The following TRDN variants were observed in gnomAD, a reference collection of about 807,000 sequenced individuals.
TRDN encodes triadin in skeletal muscle.
A neutral mutation model predicts 149.7 loss-of-function variants in TRDN; 161 were observed. The observed-to-expected ratio is 1.08, with a 90% CI of 0.95 to 1.23. TRDN has a LOEUF of 1.23. Ranked by LOEUF, TRDN falls within the 50% of genes most tolerant of loss-of-function variation. The pLI, the probability that TRDN is intolerant of heterozygous loss-of-function variation, is 0.00. For missense variants in TRDN, 896 were observed against 823.5 expected (o/e 1.09, Z -1.08); for synonymous variants, 294 against 250.5 (o/e 1.17, Z -1.64).
intron 2 of TRDN, among the ~76,000 whole-genome samples, chr6:123,565,376 G>T (rs775355330): frequency 4.4e-4 from 67 of 152,210 alleles, no homozygotes; most frequent in Non-Finnish European, 9.1e-4. Context: ...AAGTCAATGT[G>T]GATAACAGAG....
At chr6:123,351,866 A>T in intron 21 of TRDN, 1 of 984,778 alleles carries the variant, frequency 1.0e-6, no homozygotes, top group Non-Finnish European at 1.2e-6. Context: ...AGCACACTTG[A>T]GCTCTAAGAG....
At chr6:123,261,117 T>C (rs1219083705) in intron 33 of TRDN, among the ~76,000 whole-genome samples, 1 of 151,662 alleles carries the variant, frequency 6.6e-6, no homozygotes, top group Non-Finnish European at 1.5e-5. Flanking sequence ...ACCTACCAAG[T>C]TAAAAATAAA....
At chr6:123,432,902 T>G (rs975591646) in intron 12 of TRDN, among the ~76,000 whole-genome samples, 5 of 152,028 alleles carry the variant, frequency 3.3e-5, no homozygotes, top group Non-Finnish European at 7.4e-5. Flanking sequence ...ATTGAATTTG[T>G]AGGTGTTGGA....
At chr6:123,295,473 T>G (rs1778159235) in intron 24 of TRDN, among the ~76,000 whole-genome samples, 1 of 152,166 alleles carries the variant, frequency 6.6e-6, no homozygotes, top group Non-Finnish European at 1.5e-5. Context: ...AGGCTAAGCT[T>G]CACTTTGGGG....
intron 5 of TRDN, among the ~76,000 whole-genome samples, chr6:123,530,277 A>G (rs1466307717): frequency 6.6e-6 from 1 of 152,142 alleles, no homozygotes; most frequent in East Asian, 1.9e-4. Flanking sequence ...AAATTATTAC[A>G]CATTTTGAAG....
chr6:123,502,976 C>T lies in TRDN; in HGVS notation c.793+743G>A, dbSNP rs777427454. On this transcript the variant is annotated intron_variant, in intron 8 of 40. Coordinates refer to ENST00000334268, the MANE Select transcript of TRDN (RefSeq NM_006073.4). ...TAAGACCCTTAGTTGCCCTCCTAAA[C>T]CTTCAGCTCTGTATATTCACATAGC... The T allele has an allele frequency of 8.1e-6, 8 of 985,152 alleles. No homozygotes were observed. In the African/African-American group the frequency reaches 1.4e-4, roughly 17 times the overall value. 61.0% of individuals were successfully genotyped at this position (985,152 alleles called of 1,614,324 possible). A position where few individuals can be genotyped will look rare whatever the true frequency, so the allele number is the denominator to read the frequency against.
chr6:123,479,571 A>T (rs552023974), intron 9 of TRDN, among the ~76,000 whole-genome samples: 53 of 149,590 alleles, frequency 3.5e-4, no homozygotes, highest in Non-Finnish European at 6.3e-4. Context: ...ACATTGAAAC[A>T]CAAACAAAAT....
At chr6:123,507,483 ATAG>A (rs1778983596) in intron 7 of TRDN, among the ~76,000 whole-genome samples, 2 of 152,130 alleles carry the variant, frequency 1.3e-5, no homozygotes, top group South Asian at 4.1e-4. Context: ...ACTTTGCCTC[ATAG>A]TAGAAAAAAA....
intron 20 of TRDN, among the ~76,000 whole-genome samples, chr6:123,355,184 C>T: frequency 6.6e-6 from 1 of 151,560 alleles, no homozygotes; most frequent in South Asian, 2.1e-4. Flanking sequence ...TATATATATA[C>T]ACATACACAC....
At chr6:123,567,679 A>G (rs1390978310) in intron 2 of TRDN, among the ~76,000 whole-genome samples, 1 of 152,124 alleles carries the variant, frequency 6.6e-6, no homozygotes, top group Non-Finnish European at 1.5e-5. Flanking sequence ...CATATCTCAC[A>G]AGATCTCATT....
At chr6:123,513,748 G>A (rs1282715075) in intron 6 of TRDN, among the ~76,000 whole-genome samples, 1 of 151,916 alleles carries the variant, frequency 6.6e-6, no homozygotes, top group African/African-American at 2.4e-5. Context: ...GTGGTATTTG[G>A]TTACATGAGT....
At chr6:123,485,856 T>C (rs1777950189) in intron 9 of TRDN, among the ~76,000 whole-genome samples, 1 of 152,164 alleles carries the variant, frequency 6.6e-6, no homozygotes, top group Non-Finnish European at 1.5e-5. Context: ...AATTATTCTA[T>C]TTAATTTTTT....
chr6:123,383,437 A>T (rs1562287708), intron 14 of TRDN, among the ~76,000 whole-genome samples: 1 of 152,058 alleles, frequency 6.6e-6, no homozygotes, highest in Non-Finnish European at 1.5e-5. Flanking sequence ...CATAGAGAAA[A>T]AAAGCAATAT....
chr6:123,418,410 GA>G lies in TRDN; in HGVS notation c.1051+19652del, dbSNP rs555390376. 2.6e-5 allele frequency: 4 copies of G among 152,106 alleles called. No individual in the cohort carries two copies. In the East Asian group the frequency reaches 7.7e-4, roughly 29 times the overall value. The allele number at this position is 152,106 out of a possible 1,614,324, so 9.4% of individuals were successfully genotyped here. A position where few individuals can be genotyped will look rare whatever the true frequency, so the allele number is the denominator to read the frequency against. ...AAATCCAAACTTTTTTTAATGTTTT[GA>G]TTTAGAAATAAAAATTCAGGACCAT... On this transcript the variant is annotated intron_variant, in intron 12 of 40. Coordinates refer to ENST00000334268, the MANE Select transcript of TRDN (RefSeq NM_006073.4).
chr6:123,378,606 A>G (rs1277253782), intron 16 of TRDN, among the ~76,000 whole-genome samples: 4 of 152,100 alleles, frequency 2.6e-5, no homozygotes, highest in Non-Finnish European at 4.4e-5. Flanking sequence ...CATGAGCCAC[A>G]GCACCGCAGC....
At chr6:123,262,688 C>T (rs1007591222) in intron 33 of TRDN, among the ~76,000 whole-genome samples, 2 of 151,994 alleles carry the variant, frequency 1.3e-5, no homozygotes, top group Non-Finnish European at 2.9e-5. Flanking sequence ...TTTCCAATGG[C>T]GTTTGCTTCC....
At position 123,352,240 on chromosome 6, in the gene TRDN, C is replaced by G. The variant is rs144588022; in HGVS notation, c.1369+299G>C. The G allele has an allele frequency of 2.1e-3, 2,058 of 984,814 alleles. 2 individuals are homozygous for G. The highest frequency in any genetic ancestry group is 9.4e-3 in the Middle Eastern group (18 of 1,914). 61.0% of individuals were successfully genotyped at this position (984,814 alleles called of 1,614,324 possible). On this transcript the variant is annotated intron_variant, in intron 21 of 40. Transcript: ENST00000334268. Reference sequence around the variant, plus strand: ...ACAAATCAAATAGGAATATGTCTACCAGTTACCCTGGATCATTGTCTTATT... The same window carrying G: ...ACAAATCAAATAGGAATATGTCTACGAGTTACCCTGGATCATTGTCTTATT...
At chr6:123,425,896 T>C (rs1466028779) in intron 12 of TRDN, among the ~76,000 whole-genome samples, 2 of 151,932 alleles carry the variant, frequency 1.3e-5, no homozygotes, top group Non-Finnish European at 2.9e-5. Context: ...CATCTATCTA[T>C]CTATCTATCT....
intron 19 of TRDN, among the ~76,000 whole-genome samples, chr6:123,368,595 C>T (rs1264545520): frequency 1.3e-5 from 2 of 152,112 alleles, no homozygotes; most frequent in African/African-American, 2.4e-5. Flanking sequence ...CTGATATACA[C>T]AACTCATACA....
Sources: allele counts gnomAD v4.1 joint callset (sites outside exome capture counted in the v4.1 genomes callset), GRCh38; gene constraint gnomAD v4.1.1; transcripts MANE v1.5; gene names NCBI Gene and HGNC (gene_info 2026-07-23, HGNC 2026-07-21).